The following STXBP3 variants were observed in gnomAD, a reference collection of about 807,000 sequenced individuals.
The protein encoded by STXBP3 is syntaxin-binding protein 3.
STXBP3 carries 41 observed loss-of-function variants against 85.7 expected under a neutral mutation model. That is an observed-to-expected ratio of 0.48 (90% confidence interval 0.37 to 0.62). The LOEUF (loss-of-function observed/expected upper bound fraction) is 0.62, where lower values mean the gene tolerates loss of function less well. Ranked by LOEUF, STXBP3 falls within the 20% of genes least tolerant of loss-of-function variation. The probability of loss-of-function intolerance (pLI) is 0.00; values close to 1 mark genes in which losing one functional copy is unlikely to be tolerated. For synonymous variants in STXBP3, 229 were observed against 231.7 expected, an observed-to-expected ratio of 0.99 and a Z score of 0.10; for missense variants, 563 against 703.1, an observed-to-expected ratio of 0.80 and a Z score of 2.25.
chr1:108,779,764 G>C (rs186950754), intron 9 of STXBP3: 86 of 155,666 alleles, frequency 5.5e-4, no homozygotes, highest in Middle Eastern at 6.4e-3. Context: ...GGCTATAATT[G>C]TTCTGAATCA....
chr1:108,806,461 C>T (rs1663333075), intron 17 of STXBP3, among the ~76,000 whole-genome samples: 1 of 152,132 alleles, frequency 6.6e-6, no homozygotes, highest in Non-Finnish European at 1.5e-5. Flanking sequence ...TTATTGAGTA[C>T]TTACCCAACA....
intron 8 of STXBP3, among the ~76,000 whole-genome samples, chr1:108,778,120 C>G (rs1204496215): frequency 6.6e-6 from 1 of 151,944 alleles, no homozygotes; most frequent in Non-Finnish European, 1.5e-5. Flanking sequence ...TCTGAACCAC[C>G]ATATCATACT....
At chr1:108,770,259 C>T (rs1262468805) in intron 6 of STXBP3, among the ~76,000 whole-genome samples, 1 of 152,146 alleles carries the variant, frequency 6.6e-6, no homozygotes, top group Non-Finnish European at 1.5e-5. Flanking sequence ...CATGCCACTG[C>T]ACTCCAGCCT....
intron 16 of STXBP3, among the ~76,000 whole-genome samples, chr1:108,799,874 T>C (rs1663196993): frequency 2.0e-5 from 3 of 152,080 alleles, no homozygotes; most frequent in South Asian, 4.1e-4. Flanking sequence ...CAGTAGTAGC[T>C]ATGAAGGGCA....
chr1:108,798,002 A>T (rs975530956), intron 15 of STXBP3, 143 bp from the exon 16 acceptor site: 9 of 649,944 alleles, frequency 1.4e-5, no homozygotes, highest in South Asian at 9.9e-5. Context: ...CAGATTTTTT[A>T]AAATAGGCAT....
chr1:108,765,717 C>A (rs2788435), intron 6 of STXBP3, among the ~76,000 whole-genome samples: 1 of 151,390 alleles, frequency 6.6e-6, no homozygotes, highest in Non-Finnish European at 1.5e-5. Flanking sequence ...ATTACAGACA[C>A]GTACCCCCAC....
intron 6 of STXBP3, chr1:108,766,924 G>T: frequency 9.3e-6 from 5 of 535,504 alleles, no homozygotes; most frequent in South Asian, 5.6e-5. Context: ...TATGGAACTG[G>T]GGAGGACTTC....
At chr1:108,762,395 T>C (rs890157477) in intron 6 of STXBP3, among the ~76,000 whole-genome samples, 1 of 152,158 alleles carries the variant, frequency 6.6e-6, no homozygotes, top group Admixed American at 6.5e-5. Flanking sequence ...ATAAGGGTGA[T>C]AATGCTGGCT....
At chr1:108,807,059 G>A (rs956267913) in intron 17 of STXBP3, among the ~76,000 whole-genome samples, 7 of 151,930 alleles carry the variant, frequency 4.6e-5, no homozygotes, top group African/African-American at 1.5e-4. Context: ...CAAGACCAGC[G>A]TGGCCAACAT....
intron 1 of STXBP3, 56 bp from the exon 2 acceptor site, chr1:108,752,201 G>A (rs986934041): frequency 6.6e-7 from 1 of 1,523,554 alleles, no homozygotes; most frequent in South Asian, 1.2e-5. Flanking sequence ...GGACCCTTTG[G>A]ATTACTATGT....
chr1:108,791,365 T>G (rs936031265), intron 11 of STXBP3, among the ~76,000 whole-genome samples: 5 of 152,162 alleles, frequency 3.3e-5, no homozygotes, highest in Non-Finnish European at 5.9e-5. Flanking sequence ...TTGCTGAGCT[T>G]CTTGAGTCAC....
chr1:108,798,696 G>A (rs1287710127), intron 16 of STXBP3, among the ~76,000 whole-genome samples: 1 of 152,068 alleles, frequency 6.6e-6, no homozygotes, highest in Non-Finnish European at 1.5e-5. Context: ...TTACAGGTGT[G>A]AGCCACTGCG....
At chr1:108,784,182 T>C (rs1367033111) in intron 11 of STXBP3, among the ~76,000 whole-genome samples, 1 of 152,256 alleles carries the variant, frequency 6.6e-6, no homozygotes, top group East Asian at 1.9e-4. Flanking sequence ...ATTCTTCTGT[T>C]TTCTTCAGTA....
intron 8 of STXBP3, among the ~76,000 whole-genome samples, chr1:108,776,722 C>T (rs1017583021): frequency 6.6e-6 from 1 of 152,126 alleles, no homozygotes; most frequent in Non-Finnish European, 1.5e-5. Flanking sequence ...TATGTAACTA[C>T]ATTTTCTTTT....
intron 11 of STXBP3, among the ~76,000 whole-genome samples, chr1:108,792,374 G>A (rs1662994074): frequency 6.6e-6 from 1 of 151,986 alleles, no homozygotes; most frequent in South Asian, 2.1e-4. Context: ...TCTTTTCTTA[G>A]CTTTTTTATT....
intron 6 of STXBP3, among the ~76,000 whole-genome samples, chr1:108,770,711 A>G (rs1442196050): frequency 6.6e-6 from 1 of 152,200 alleles, no homozygotes; most frequent in Non-Finnish European, 1.5e-5. Flanking sequence ...AGAAATTATC[A>G]TTGTTTAGAA....
intron 17 of STXBP3, among the ~76,000 whole-genome samples, chr1:108,800,775 T>A (rs182425913): frequency 3.3e-5 from 5 of 152,368 alleles, no homozygotes; most frequent in African/African-American, 1.2e-4. Flanking sequence ...TTTCTACATA[T>A]GTTTGTATCC....
chr1:108,803,814 G>A (rs573656728), intron 17 of STXBP3, among the ~76,000 whole-genome samples: 12 of 152,208 alleles, frequency 7.9e-5, no homozygotes, highest in Non-Finnish European at 7.4e-5. Flanking sequence ...AGTTTTATCC[G>A]TTTCTTCATT....
intron 9 of STXBP3, chr1:108,780,550 G>C (rs1442751071): frequency 2.9e-5 from 2 of 69,230 alleles, no homozygotes; most frequent in Non-Finnish European, 5.5e-5. Flanking sequence ...TTTTTTTTTA[G>C]TAGAGGCAGG....
Sources: gnomAD v4.1 joint callset for allele counts (sites outside exome capture counted in the v4.1 genomes callset) on GRCh38, gnomAD v4.1.1 for gene constraint, MANE v1.5 for transcripts, NCBI Gene and HGNC (gene_info 2026-07-23, HGNC 2026-07-21) for gene names.